SUCLA2: variants seen among roughly 807,000 people sequenced by gnomAD.
SUCLA2 encodes succinate--CoA ligase [ADP-forming] subunit beta, mitochondrial.
A neutral mutation model predicts 54.8 loss-of-function variants in SUCLA2; 30 were observed. That is an observed-to-expected ratio of 0.55 (90% CI 0.41 to 0.74). SUCLA2 has a LOEUF of 0.74. Ranked by LOEUF, SUCLA2 falls within the 30% of genes least tolerant of loss-of-function variation. The pLI is 0.00. For missense variants in SUCLA2, 476 were observed against 562.9 expected (o/e 0.85, Z 1.56); for synonymous variants, 172 against 188.9 (o/e 0.91, Z 0.74).
chr13:47,965,494 T>TA (rs35331016), intron 6 of SUCLA2: 1,595 of 309,054 alleles, frequency 5.2e-3, no homozygotes, highest in Middle Eastern at 8.2e-3. Context: ...ACCCCTTCTT[T>TA]AAAAAAAAAA....
intron 9 of SUCLA2, 148 bp downstream of exon 9, chr13:47,949,333 AAT>A: frequency 1.0e-6 from 1 of 983,954 alleles, no homozygotes. Flanking sequence ...CCAATGTTAA[AAT>A]GTTTTAAAAA....
chr13:47,990,295 C>A (rs1950139125), intron 2 of SUCLA2, among the ~76,000 whole-genome samples: 1 of 152,128 alleles, frequency 6.6e-6, no homozygotes, highest in East Asian at 1.9e-4. Context: ...TTGCAATGGG[C>A]CAAGATTGTG....
At chr13:47,949,651 T>G in intron 8 of SUCLA2, 48 bp from the exon 9 acceptor site, 1 of 1,595,366 alleles carries the variant, frequency 6.3e-7, no homozygotes. Context: ...GAAATTTAAG[T>G]TCTTTTCCCC....
chr13:47,970,156 T>C (rs896891828), intron 5 of SUCLA2, among the ~76,000 whole-genome samples: 5 of 151,712 alleles, frequency 3.3e-5, no homozygotes, highest in Non-Finnish European at 7.4e-5. Context: ...TTTTGACCTA[T>C]TTCAAATAAA....
chr13:47,998,296 T>TAAAAAAAAAAAA (rs58573331), intron 1 of SUCLA2, among the ~76,000 whole-genome samples: 1 of 136,184 alleles, frequency 7.3e-6, no homozygotes, highest in Non-Finnish European at 1.6e-5. Context: ...ATAAATAAGT[T>TAAAAAAAAAAAA]AAAAAAAAAA....
intron 4 of SUCLA2, 39 bp downstream of exon 4, chr13:47,988,502 T>A: frequency 3.1e-6 from 5 of 1,607,274 alleles, no homozygotes; most frequent in Non-Finnish European, 4.3e-6. Context: ...TTGAATGTCA[T>A]AAATTTATCC....
intron 2 of SUCLA2, among the ~76,000 whole-genome samples, chr13:47,995,873 CAA>C (rs775878882): frequency 1.8e-5 from 2 of 109,548 alleles, no homozygotes; most frequent in African/African-American, 5.9e-5. Flanking sequence ...TTCAAATTGA[CAA>C]AAGCTATTAA....
In SUCLA2 at chr13:47,988,805, G is replaced by A. The variant is rs182746203; in HGVS notation, c.371+77C>T. ...TATCTCATCTAATATTTAAATTTCAGTATTTTCATCAATTCAATAAGTAAT... is the reference window on the plus strand; with the variant it reads ...TATCTCATCTAATATTTAAATTTCAATATTTTCATCAATTCAATAAGTAAT... On this transcript the variant is annotated intron_variant, in intron 3 of 10. Coordinates refer to ENST00000646932, the MANE Select transcript of SUCLA2 (RefSeq NM_003850.3). 2.9e-3 allele frequency: 4,583 copies of A among 1,591,810 alleles called. 7 individuals carry two copies. Among genetic ancestry groups the A allele is most frequent in the Non-Finnish European group, 3.6e-3 (4,198 of 1,164,160 alleles).
chr13:47,960,905 G>A (rs889828400), intron 6 of SUCLA2, among the ~76,000 whole-genome samples: 1 of 152,178 alleles, frequency 6.6e-6, no homozygotes, highest in Admixed American at 6.5e-5. Context: ...GATCACTGCG[G>A]AAGAGGTAGC....
intron 1 of SUCLA2, 137 bp from the exon 2 acceptor site, chr13:47,997,160 G>C: frequency 1.1e-6 from 1 of 882,256 alleles, no homozygotes; most frequent in Non-Finnish European, 1.8e-6. Context: ...CTGAATTACA[G>C]CATAAAACTA....
chr13:47,990,570 G>A (rs1950142019), intron 2 of SUCLA2, among the ~76,000 whole-genome samples: 1 of 152,138 alleles, frequency 6.6e-6, no homozygotes, highest in Admixed American at 6.5e-5. Context: ...TGGCAGGGTG[G>A]CACCAACTAT....
intron 6 of SUCLA2, among the ~76,000 whole-genome samples, chr13:47,962,489 C>T (rs1181299862): frequency 6.6e-6 from 1 of 152,144 alleles, no homozygotes; most frequent in African/African-American, 2.4e-5. Flanking sequence ...TGTGGGTAAT[C>T]AGGCCAAGTA....
chr13:47,984,728 A>G lies in SUCLA2; in HGVS notation c.534+3813T>C, dbSNP rs543890678. Among the ~76,000 whole-genome samples the G allele has an allele frequency of 2.0e-5, 3 of 152,218 alleles. No individual in the cohort carries two copies. In the South Asian group the frequency reaches 6.2e-4, roughly 32 times the overall value. On this transcript the variant is annotated intron_variant, in intron 4 of 10. Coordinates refer to ENST00000646932, the MANE Select transcript of SUCLA2 (RefSeq NM_003850.3). The stretch of plus-strand genomic sequence containing the variant: ...GAGGCGGAGGTTGCAGTGAGCAGAG[A>G]TGGCACCACTGCACTCCAGCCTGGG...
Position 47,999,983 on chromosome 13 carries a change from T to C in SUCLA2, c.90+1197A>G, listed in dbSNP as rs146546264. 2.0e-5 allele frequency among the ~76,000 whole-genome samples: 3 copies of C among 152,234 alleles called. No homozygotes were observed. The East Asian group carries it at 5.8e-4, about 29-fold the overall frequency. On this transcript the variant is annotated intron_variant, in intron 1 of 10. Transcript: ENST00000646932. The stretch of plus-strand genomic sequence containing the variant: ...GATTTTGACTAGAATGAAAACGTAT[T>C]TGTCACTAAATTCCCCATTTTCTAA...
chr13:47,978,125 A>C (rs1173080003), intron 4 of SUCLA2, among the ~76,000 whole-genome samples: 2 of 152,342 alleles, frequency 1.3e-5, no homozygotes, highest in South Asian at 4.1e-4. Flanking sequence ...GTATCCCATC[A>C]AGCTACCAAT....
At chr13:47,969,904 C>T (rs1949948882) in intron 5 of SUCLA2, among the ~76,000 whole-genome samples, 1 of 152,030 alleles carries the variant, frequency 6.6e-6, no homozygotes, top group African/African-American at 2.4e-5. Flanking sequence ...GAGTTTGAGA[C>T]CAGCCTGGGC....
intron 2 of SUCLA2, chr13:47,994,918 T>TA (rs1348389473): frequency 5.4e-6 from 5 of 930,324 alleles, no homozygotes; most frequent in Non-Finnish European, 6.4e-6. Flanking sequence ...TAAGTTTTTA[T>TA]AAGGCATAAT....
chr13:47,979,721 A>G (rs1950046163), intron 4 of SUCLA2, among the ~76,000 whole-genome samples: 1 of 152,220 alleles, frequency 6.6e-6, no homozygotes, highest in African/African-American at 2.4e-5. Context: ...CATCAGAAAC[A>G]AAGCAAGGAT....
intron 6 of SUCLA2, among the ~76,000 whole-genome samples, chr13:47,965,961 T>C (rs1398214588): frequency 2.0e-5 from 3 of 152,130 alleles, no homozygotes; most frequent in Non-Finnish European, 2.9e-5. Flanking sequence ...GGCAGAAGAA[T>C]GGTGAGAACC....
Sources: allele counts gnomAD v4.1 joint callset (sites outside exome capture counted in the v4.1 genomes callset), GRCh38; gene constraint gnomAD v4.1.1; transcripts MANE v1.5; gene names NCBI Gene and HGNC (gene_info 2026-07-23, HGNC 2026-07-21).